ITIH2: variants seen among roughly 807,000 people sequenced by gnomAD.
ITIH2 encodes the protein inter-alpha-trypsin inhibitor heavy chain 2.
Under a neutral mutation model 104.4 loss-of-function variants are expected in ITIH2, and 103 were observed. The ratio of observed to expected loss-of-function variants is 0.99; its 90% CI spans 0.84 to 1.16. The LOEUF (loss-of-function observed/expected upper bound fraction) is 1.16. Ranked by LOEUF, ITIH2 falls within the 50% of genes most tolerant of loss-of-function variation. The pLI, the probability that ITIH2 is intolerant of heterozygous loss-of-function variation, is 0.00. For synonymous variants in ITIH2, 436 were observed against 435.4 expected (o/e 1.00, Z -0.02); for missense variants, 1,108 against 1,162.4 (o/e 0.95, Z 0.68).
intron 5 of ITIH2, among the ~76,000 whole-genome samples, chr10:7,717,350 G>T (rs964397992): frequency 7.2e-5 from 11 of 152,180 alleles, no homozygotes; most frequent in African/African-American, 2.4e-4. Context: ...CCTGGCCCAG[G>T]ATAGGGGCCA....
chr10:7,726,466 T>C (rs1202902506), intron 9 of ITIH2, among the ~76,000 whole-genome samples: 1 of 152,162 alleles, frequency 6.6e-6, no homozygotes, highest in African/African-American at 2.4e-5. Context: ...CAAATATTGA[T>C]GGTTGGGATT....
At chr10:7,737,658 TTC>T (rs1440294777) in intron 15 of ITIH2, among the ~76,000 whole-genome samples, 1 of 86,388 alleles carries the variant, frequency 1.2e-5, no homozygotes, top group Non-Finnish European at 1.9e-5. Context: ...CTATATTATA[TTC>T]TATATTATAT....
At chr10:7,741,159 A>C (rs892037104) in intron 16 of ITIH2, among the ~76,000 whole-genome samples, 1 of 150,198 alleles carries the variant, frequency 6.7e-6, no homozygotes, top group Non-Finnish European at 1.5e-5. Flanking sequence ...AGGATATCAT[A>C]ATGATTGTTT....
In ITIH2 at chr10:7,724,138, AC is replaced by A. The variant is rs552605233; in HGVS notation, c.984+572del. Reference sequence around the variant, plus strand: ...GTACAGATGCAATACTAAAGACCAAACAAGGAAATGATTTAACTTACCCATC... The same window carrying A: ...GTACAGATGCAATACTAAAGACCAAAAAGGAAATGATTTAACTTACCCATC... On this transcript the variant is annotated intron_variant, in intron 9 of 20. Transcript: ENST00000358415. Among the ~76,000 whole-genome samples, 783 of 152,308 alleles carry A rather than the reference AC, an allele frequency of 5.1e-3. 1 individual carries two copies. The highest frequency in any genetic ancestry group is 0.018 in the African/African-American group (742 of 41,564).
chr10:7,711,684 T>C (rs1834798068), intron 4 of ITIH2, among the ~76,000 whole-genome samples: 1 of 152,168 alleles, frequency 6.6e-6, no homozygotes, highest in Admixed American at 6.5e-5. Flanking sequence ...AACCCACAAG[T>C]GTGCCTCAAC....
chr10:7,747,644 T>C (rs1340068065), intron 20 of ITIH2, among the ~76,000 whole-genome samples: 1 of 152,138 alleles, frequency 6.6e-6, no homozygotes, highest in African/African-American at 2.4e-5. Context: ...CCCAATGCTT[T>C]GAGAGGCCAA....
At position 7,746,281 on chromosome 10, in the gene ITIH2, G is replaced by A. The variant is rs1402726096; in HGVS notation, c.2582-312G>A. On this transcript the variant is annotated intron_variant, in intron 19 of 20. Transcript: ENST00000358415. ...TCCCAGCTACTTGGGAGGCTGAGGT[G>A]GGAAGAACACTTGAGCCCAGGAGGT... is the stretch of plus-strand genomic sequence containing the variant. 2.6e-5 allele frequency among the ~76,000 whole-genome samples: 4 copies of A among 151,452 alleles called. No homozygotes were observed. The South Asian group carries it at 6.2e-4, about 24-fold the overall frequency.
rs769353040 is a variant in ITIH2, at chr10:7,738,635, G to A, written c.1972G>A (p.Gly658Ser). Reference sequence around the variant, plus strand: ...TGTCTACGCAGGGGCCCTGTATTACGGCAGCAAAGTGGTTCCAGATTCCAC... The same window carrying A: ...TGTCTACGCAGGGGCCCTGTATTACAGCAGCAAAGTGGTTCCAGATTCCAC... ...PSCCSGALYY[G>S]SKVVPDSTPS... Residue 658 changes from glycine (G) to serine (S), a missense_variant, in exon 16 of 21, where the codon GGC becomes AGC. By Grantham distance (56) the Gly-to-Ser change is moderately conservative. Coordinates refer to ENST00000358415, the MANE Select transcript of ITIH2 (RefSeq NM_002216.3). 30 of 1,613,708 alleles carry A rather than the reference G, an allele frequency of 1.9e-5. No individual in the cohort carries two copies. The highest frequency in any genetic ancestry group is 3.3e-5 in the South Asian group (3 of 91,076).
chr10:7,735,029 A>G lies in ITIH2; in HGVS notation c.1895A>G (p.Asn632Ser). ...CCGCTGACCTCGCTGGTGATCGAGA[A>G]CGAGGCTGGGGATGAGCGCATGCTG... ...VTPLTSLVIE[N>S]EAGDERMLAD... The change falls in exon 15 of 21, where the codon AAC (asparagine) becomes AGC (serine). Residue 632 changes from asparagine to serine, a missense_variant. Physicochemically the swap from Asn to Ser is conservative, Grantham distance 46. Coordinates refer to ENST00000358415, the MANE Select transcript of ITIH2 (RefSeq NM_002216.3). 1 of 1,613,584 alleles carries G rather than the reference A, an allele frequency of 6.2e-7. No individual in the cohort carries two copies. Among genetic ancestry groups the G allele is most frequent in the Non-Finnish European group, 8.5e-7 (1 of 1,180,032 alleles).
At chr10:7,710,282 T>C (rs1384935973) in intron 4 of ITIH2, among the ~76,000 whole-genome samples, 1 of 152,260 alleles carries the variant, frequency 6.6e-6, no homozygotes, top group Non-Finnish European at 1.5e-5. Flanking sequence ...CTCTATTTTC[T>C]GTGTGTTTGA....
chr10:7,714,110 G>A (rs926453961), intron 5 of ITIH2, among the ~76,000 whole-genome samples: 1 of 150,168 alleles, frequency 6.7e-6, no homozygotes, highest in South Asian at 2.1e-4. Flanking sequence ...TCTTCAAAGG[G>A]AAAAAATCTT....
Position 7,732,425 on chromosome 10 carries a change from T to A in ITIH2, c.1735T>A (p.Phe579Ile). ...LSKDKHADPDFTRKLWAYLTI... is the reference protein window; with the variant it reads ...LSKDKHADPDITRKLWAYLTI... Reference sequence around the variant, plus strand: ...GAAAGACAAGCATGCAGATCCCGATTTCACCAGGAAACTGTGGGCCTATCT... The same window carrying A: ...GAAAGACAAGCATGCAGATCCCGATATCACCAGGAAACTGTGGGCCTATCT... Residue 579 changes from phenylalanine to isoleucine, a missense_variant, in exon 14 of 21, where the codon TTC (phenylalanine) becomes ATC (isoleucine). Phe to Ile is a conservative substitution (Grantham distance 21). Transcript: ENST00000358415. 1 of 1,614,134 alleles carries A rather than the reference T, an allele frequency of 6.2e-7. No homozygotes were observed. The highest frequency in any genetic ancestry group is 1.1e-5 in the South Asian group (1 of 91,070).
At chr10:7,719,694 G>A (rs774331932) in intron 6 of ITIH2, among the ~76,000 whole-genome samples, 2 of 138,212 alleles carry the variant, frequency 1.4e-5, no homozygotes, top group South Asian at 2.3e-4. Context: ...CTAAAAAATC[G>A]AGGCTGCAGT....
intron 5 of ITIH2, among the ~76,000 whole-genome samples, chr10:7,714,415 G>A (rs919091316): frequency 2.0e-5 from 3 of 151,860 alleles, no homozygotes; most frequent in East Asian, 1.9e-4. Context: ...CTCGTGATCC[G>A]CCCGCCTCGG....
Position 7,749,307 on chromosome 10 carries a change from G to C in ITIH2, c.2814G>C (p.Gln938His). 1 of 1,614,126 alleles carries C rather than the reference G, an allele frequency of 6.2e-7. No individual in the cohort carries two copies. Among genetic ancestry groups the C allele is most frequent in the Non-Finnish European group, 8.5e-7 (1 of 1,180,004 alleles). The change falls in exon 21 of 21, where the codon CAG (glutamine) becomes CAC (histidine). Residue 938 changes from glutamine (Q) to histidine (H), a missense_variant. Gln to His is a conservative substitution (Grantham distance 24). Transcript: ENST00000358415. Reference protein sequence around the residue: ...DGHYKDYFVPQLYSFLKRP With the variant: ...DGHYKDYFVPHLYSFLKRP ...ATTACAAGGATTACTTCGTGCCTCA[G>C]CTCTACAGCTTTCTCAAACGGCCTT...
intron 16 of ITIH2, among the ~76,000 whole-genome samples, chr10:7,742,587 A>G (rs1042261406): frequency 6.6e-6 from 1 of 152,118 alleles, no homozygotes; most frequent in Non-Finnish European, 1.5e-5. Flanking sequence ...TACAAAAAAT[A>G]CAAAACATTA....
chr10:7,739,578 AGGACTTTGAAT>A (rs1178933554), intron 16 of ITIH2, among the ~76,000 whole-genome samples: 1 of 152,166 alleles, frequency 6.6e-6, no homozygotes, highest in Non-Finnish European at 1.5e-5. Context: ...AAACTTAGCA[AGGACTTTGAAT>A]GGACATTTAA....
At chr10:7,730,299 TC>T (rs1241299089) in intron 12 of ITIH2, among the ~76,000 whole-genome samples, 166 bp downstream of exon 12, 2 of 152,018 alleles carry the variant, frequency 1.3e-5, no homozygotes, top group East Asian at 1.9e-4. Context: ...CTCACATGTT[TC>T]CCCCCACCCT....
chr10:7,709,104 G>A lies in ITIH2; in HGVS notation c.275G>A (p.Ser92Asn). 1.2e-6 allele frequency: 2 copies of A among 1,613,912 alleles called. No individual in the cohort carries two copies. The highest frequency in any genetic ancestry group is 2.2e-5 in the South Asian group (2 of 91,068). The stretch of plus-strand genomic sequence containing the variant: ...CGGATGGCCACCACCATGATCCAGA[G>A]CAAAGTGGTGAACAATTCCCCGCAG... ...TSRMATTMIQ[S>N]KVVNNSPQPQ... Residue 92 changes from serine to asparagine, a missense_variant, in exon 4 of 21, where the codon AGC (serine) becomes AAC (asparagine). Coordinates refer to ENST00000358415, the MANE Select transcript of ITIH2 (RefSeq NM_002216.3).
Sources: gnomAD v4.1 joint callset for allele counts (sites outside exome capture counted in the v4.1 genomes callset) on GRCh38, gnomAD v4.1.1 for gene constraint, MANE v1.5 for transcripts, NCBI Gene and HGNC (gene_info 2026-07-23, HGNC 2026-07-21) for gene names.